PIAS4: variants seen among roughly 807,000 people sequenced by gnomAD.
PIAS4 encodes the protein protein inhibitor of activated STAT 4.
In PIAS4, 7 loss-of-function variants were observed where a neutral mutation model predicts 58.0. The observed-to-expected ratio is 0.12, with a 90% confidence interval of 0.07 to 0.23. The LOEUF (loss-of-function observed/expected upper bound fraction) is 0.23. PIAS4 is among the 10% of genes least tolerant of loss of function. PIAS4 has a pLI of 1.00. For synonymous variants in PIAS4, 364 were observed against 312.4 expected, an observed-to-expected ratio of 1.17 and a Z score of -1.74; for missense variants, 550 against 709.5, an observed-to-expected ratio of 0.78 and a Z score of 2.55.
intron 2 of PIAS4, among the ~76,000 whole-genome samples, chr19:4,022,898 G>A (rs1410175062): frequency 1.3e-5 from 2 of 151,174 alleles, no homozygotes; most frequent in African/African-American, 2.4e-5. Flanking sequence ...GCAGCCAGGC[G>A]CCGTAGCTCA....
chr19:4,008,489 C>T (rs972648972), intron 1 of PIAS4, among the ~76,000 whole-genome samples: 1 of 152,146 alleles, frequency 6.6e-6, no homozygotes, highest in Non-Finnish European at 1.5e-5. Context: ...TCTCACACGC[C>T]GGAGTGGGCG....
chr19:4,010,284 G>A (rs2039980138), intron 1 of PIAS4, among the ~76,000 whole-genome samples: 1 of 152,208 alleles, frequency 6.6e-6, no homozygotes, highest in Non-Finnish European at 1.5e-5. Flanking sequence ...CCTAAGGGGT[G>A]TGCTCCGGGA....
intron 7 of PIAS4, 109 bp downstream of exon 7, chr19:4,029,145 C>T (rs994143542): frequency 2.7e-5 from 20 of 751,572 alleles, no homozygotes; most frequent in Non-Finnish European, 4.0e-5. Context: ...CGATCAGGGG[C>T]CGCCTGTCAC....
In PIAS4 at chr19:4,037,227, C is replaced by T; in HGVS notation, c.1143-147C>T. On this transcript the variant is annotated intron_variant, in intron 9 of 10. Transcript: ENST00000262971. This position sits in a 1 kb window ranked among gnomAD's most constrained non-coding sequence, Gnocchi z 5.8. The stretch of plus-strand genomic sequence containing the variant: ...GAGGGCGGGGGAGGGAATGCGGGGT[C>T]CCTGGACCCCTGCGGTCGGGGTGGT... The T allele has an allele frequency of 5.8e-6, 6 of 1,038,678 alleles. No homozygotes were observed. The highest frequency in any genetic ancestry group is 1.6e-5 in the South Asian group (1 of 60,900). The allele number at this position is 1,038,678 out of a possible 1,614,324, so 64.3% of individuals were successfully genotyped here. A position where few individuals can be genotyped will look rare whatever the true frequency, so the allele number is the denominator to read the frequency against.
At chr19:4,007,946 AGGGCGGGGGGCGGGGAGGCCGG>A (rs1568210256) in intron 1 of PIAS4, among the ~76,000 whole-genome samples, 159 bp downstream of exon 1, 1 of 149,286 alleles carries the variant, frequency 6.7e-6, no homozygotes, top group African/African-American at 2.5e-5. Flanking sequence ...TCTCAGGGTG[AGGGCGGGGGGCGGGGAGGCCGG>A]GGGCGGGGCC....
intron 1 of PIAS4, among the ~76,000 whole-genome samples, chr19:4,008,582 TCTC>T (rs2039965005): frequency 6.6e-6 from 1 of 151,902 alleles, no homozygotes; most frequent in Admixed American, 6.6e-5. Context: ...CCTTCTTTAT[TCTC>T]CTTTTTTTAA....
At chr19:4,033,701 C>G in intron 9 of PIAS4, 121 bp downstream of exon 9, 1 of 835,940 alleles carries the variant, frequency 1.2e-6, no homozygotes, top group Non-Finnish European at 1.8e-6. Flanking sequence ...GGCACATGGT[C>G]CTGGAGCTTT....
chr19:4,008,815 C>G (rs532598289), intron 1 of PIAS4, among the ~76,000 whole-genome samples: 41 of 152,122 alleles, frequency 2.7e-4, no homozygotes, highest in Non-Finnish European at 4.1e-4. Flanking sequence ...TTTTATGCAC[C>G]CCAACTTTGG....
In PIAS4 at chr19:4,033,533, C is replaced by T; in HGVS notation, c.1095C>T (p.Cys365=). Residue 365 remains cysteine, a synonymous_variant, in exon 9 of 11, where the codon TGC becomes TGT. Transcript: ENST00000262971. ...QMNEKKPTWM[C]PVCDKPAPYD... is the part of the protein sequence containing the mutation. ...ACGAGAAGAAGCCCACCTGGATGTGCCCCGTGTGCGACAAGCCAGCCCCCT... is the reference window on the plus strand; with the variant it reads ...ACGAGAAGAAGCCCACCTGGATGTGTCCCGTGTGCGACAAGCCAGCCCCCT... The T allele has an allele frequency of 6.2e-7, 1 of 1,608,140 alleles. No individual in the cohort carries two copies. The highest frequency in any genetic ancestry group is 8.5e-7 in the Non-Finnish European group (1 of 1,178,240).
rs754263952 is a variant in PIAS4 at position 4,028,472 on chromosome 19, GC to G, written c.582-33del. 19 of 1,484,068 alleles carry G rather than the reference GC, an allele frequency of 1.3e-5. No homozygotes were observed. In the African/African-American group the frequency reaches 2.7e-4, roughly 21 times the overall value. The allele number at this position is 1,484,068 out of a possible 1,614,324, so 91.9% of individuals were successfully genotyped here. The stretch of plus-strand genomic sequence containing the variant: ...CGCAGCAGCCTAGTCCCTCCTGTGC[GC>G]CCCCTCCCCGCCCCATGGTCCCTGT... On this transcript the variant is annotated intron_variant, in intron 4 of 10. Coordinates refer to ENST00000262971, the MANE Select transcript of PIAS4 (RefSeq NM_015897.4).
Position 4,038,478 on chromosome 19 carries a change from G to A in PIAS4, c.*603G>A, listed in dbSNP as rs1389461111. 1 of 151,958 alleles carries A rather than the reference G, an allele frequency of 6.6e-6. No homozygotes were observed. 9.4% of individuals were successfully genotyped at this position (151,958 alleles called of 1,614,324 possible). ...GGTGGGGGGATGGGTGGGCAGGATGGGGGTACAGTGGGCGGCTGGGGAGGG... is the reference window on the plus strand; with the variant it reads ...GGTGGGGGGATGGGTGGGCAGGATGAGGGTACAGTGGGCGGCTGGGGAGGG... On this transcript the variant is annotated 3_prime_UTR_variant, in exon 11 of 11. Transcript: ENST00000262971. The surrounding 1 kb of genome is among the most constrained non-coding windows in gnomAD (Gnocchi z 4.1).
Position 4,033,122 on chromosome 19 carries a change from T to A in PIAS4, c.930T>A (p.Asp310Glu). Residue 310 changes from aspartate to glutamate, a missense_variant, in exon 8 of 11, where the codon GAT (aspartate) becomes GAA (glutamate). By Grantham distance (45) the Asp-to-Glu change is conservative. Around this residue, in one of 4 missense-constraint regions of PIAS4, gnomAD observed 225 missense variants for 345.8 expected, o/e 0.65. Transcript: ENST00000262971. Reference sequence around the variant, plus strand: ...CAGTCAAGGAGAAGCTGCGCCTTGATCCTGACAGCGAGATCGCCACCACCG... The same window carrying A: ...CAGTCAAGGAGAAGCTGCGCCTTGAACCTGACAGCGAGATCGCCACCACCG... ...KALVKEKLRL[D>E]PDSEIATTGV... is the part of the protein sequence containing the mutation. The A allele has an allele frequency of 6.2e-7, 1 of 1,611,830 alleles. No homozygotes were observed. Among genetic ancestry groups the A allele is most frequent in the African/African-American group, 1.3e-5 (1 of 75,012 alleles).
At position 4,028,312 on chromosome 19, in the gene PIAS4, C is replaced by T. The variant is rs2040188127; in HGVS notation, c.581+125C>T. On this transcript the variant is annotated intron_variant, in intron 4 of 10. Coordinates refer to ENST00000262971, the MANE Select transcript of PIAS4 (RefSeq NM_015897.4). ...TAACAGCAGAGCCCAGCTCTCCTCA[C>T]CTGCTGTCTATCCCTGTCTGGGGAT... is the stretch of plus-strand genomic sequence containing the variant. 4 of 889,028 alleles carry T rather than the reference C, an allele frequency of 4.5e-6. No homozygotes were observed. The Admixed American group carries it at 8.2e-5, about 18-fold the overall frequency. The allele number at this position is 889,028 out of a possible 1,614,324, so 55.1% of individuals were successfully genotyped here.
intron 3 of PIAS4, 67 bp from the exon 4 acceptor site, chr19:4,028,078 TG>T: frequency 6.8e-7 from 1 of 1,476,062 alleles, no homozygotes; most frequent in Non-Finnish European, 9.5e-7. Context: ...CCTTGTCGGG[TG>T]GGCTGGGGTC....
At chr19:4,007,917 C>T (rs1001890582) in intron 1 of PIAS4, 130 bp downstream of exon 1, 2 of 607,678 alleles carry the variant, frequency 3.3e-6, no homozygotes, top group Admixed American at 9.6e-5. Flanking sequence ...CGTCCCGGCC[C>T]CCAGACCCCG....
chr19:4,038,147 C>CCT lies in PIAS4; in HGVS notation c.*274_*275dup. The CCT allele has an allele frequency of 2.5e-6, 1 of 407,066 alleles. No homozygotes were observed. Among genetic ancestry groups the CCT allele is most frequent in the Non-Finnish European group, 4.4e-6 (1 of 227,708 alleles). 25.2% of individuals were successfully genotyped at this position (407,066 alleles called of 1,614,324 possible). A position where few individuals can be genotyped will look rare whatever the true frequency, so the allele number is the denominator to read the frequency against. Reference sequence around the variant, plus strand: ...ACAAGGCCGGCCACCCACACAGCCGCCTCCCCGGCTGGAGTCCGAGCCGGG... The same window carrying CCT: ...ACAAGGCCGGCCACCCACACAGCCGCCTCTCCCCGGCTGGAGTCCGAGCCGGG... On this transcript the variant is annotated 3_prime_UTR_variant, in exon 11 of 11. Transcript: ENST00000262971. The surrounding 1 kb of genome is among the most constrained non-coding windows in gnomAD (Gnocchi z 4.1).
chr19:4,034,342 CCT>C (rs1237383144), intron 9 of PIAS4, among the ~76,000 whole-genome samples: 2 of 152,132 alleles, frequency 1.3e-5, no homozygotes, highest in Non-Finnish European at 2.9e-5. Flanking sequence ...GGCTGGCCTG[CCT>C]CTGGGGTTGT....
intron 3 of PIAS4, among the ~76,000 whole-genome samples, chr19:4,027,759 A>G (rs971066746): frequency 6.6e-6 from 1 of 151,906 alleles, no homozygotes; most frequent in Non-Finnish European, 1.5e-5. Context: ...CATGTTGCGC[A>G]GGCTCGTCTC....
intron 2 of PIAS4, among the ~76,000 whole-genome samples, chr19:4,019,655 G>A (rs2040088970): frequency 6.6e-6 from 1 of 152,232 alleles, no homozygotes; most frequent in Non-Finnish European, 1.5e-5. Context: ...GGGCGCGTCT[G>A]CAGGTGGCCT....
Sources: gnomAD v4.1 joint callset for allele counts (sites outside exome capture counted in the v4.1 genomes callset) on GRCh38, gnomAD v4.1.1 for gene constraint, gnomAD v4.1.1 regional missense constraint, Gnocchi (gnomAD v3.1) non-coding constraint, MANE v1.5 for transcripts, NCBI Gene and HGNC (gene_info 2026-07-23, HGNC 2026-07-21) for gene names.